The following RAB4A variants were observed in gnomAD, a reference collection of about 807,000 sequenced individuals.
RAB4A encodes the protein RAB4A, member RAS oncogene family.
Under a neutral mutation model 34.5 loss-of-function variants are expected in RAB4A, and 20 were observed. The ratio of observed to expected loss-of-function variants is 0.58; its 90% CI spans 0.41 to 0.84. RAB4A has a LOEUF of 0.84. Ranked by LOEUF, RAB4A falls within the 40% of genes least tolerant of loss-of-function variation. The pLI is 0.00. For missense variants in RAB4A, 228 were observed against 274.5 expected (o/e 0.83, Z 1.20); for synonymous variants, 102 against 100.0 (o/e 1.02, Z -0.12).
At chr1:229,302,309 A>ATTTTTTTT (rs869095524) in intron 6 of RAB4A, among the ~76,000 whole-genome samples, 4 of 35,904 alleles carry the variant, frequency 1.1e-4, no homozygotes, top group African/African-American at 3.2e-4. Context: ...ATATATATAT[A>ATTTTTTTT]TTTTTTTTTT....
At chr1:229,287,772 A>T (rs561151946) in intron 2 of RAB4A, among the ~76,000 whole-genome samples, 21 of 152,304 alleles carry the variant, frequency 1.4e-4, no homozygotes, top group African/African-American at 4.8e-4. Context: ...TAGCATAGTC[A>T]CTGTAACCAT....
intron 1 of RAB4A, among the ~76,000 whole-genome samples, chr1:229,284,844 CTGTTAGATCCA>C (rs1464766565): frequency 1.3e-5 from 2 of 151,962 alleles, no homozygotes; most frequent in Non-Finnish European, 2.9e-5. Flanking sequence ...TTCAAAATTC[CTGTTAGATCCA>C]TGTTAGATCG....
At chr1:229,282,961 G>A (rs985153809) in intron 1 of RAB4A, among the ~76,000 whole-genome samples, 1 of 151,808 alleles carries the variant, frequency 6.6e-6, no homozygotes, top group Non-Finnish European at 1.5e-5. Flanking sequence ...ACCTTTTTTC[G>A]TTCAGTTTGA....
At chr1:229,297,412 G>A (rs1657278319) in intron 4 of RAB4A, 70 bp from the exon 5 acceptor site, 1 of 1,466,856 alleles carries the variant, frequency 6.8e-7, no homozygotes, top group Non-Finnish European at 9.2e-7. Flanking sequence ...TATGAGTAGT[G>A]AGAATGACTG....
rs975369759 is a variant in RAB4A at position 229,305,856 on chromosome 1, A to G, written c.*2063A>G. The G allele has an allele frequency of 3.3e-5, 5 of 152,242 alleles. No homozygotes were observed. Among genetic ancestry groups the G allele is most frequent in the Admixed American group, 6.5e-5 (1 of 15,284 alleles). The allele number at this position is 152,242 out of a possible 1,614,324, so 9.4% of individuals were successfully genotyped here. On this transcript the variant is annotated 3_prime_UTR_variant, in exon 8 of 8. Coordinates refer to ENST00000366690, the MANE Select transcript of RAB4A (RefSeq NM_004578.4). ...CATTGATTCTTAGCAGATCAATAATAGTATTTAAAGAATCTGATGCTAAAA... is the reference window on the plus strand; with the variant it reads ...CATTGATTCTTAGCAGATCAATAATGGTATTTAAAGAATCTGATGCTAAAA...
intron 3 of RAB4A, among the ~76,000 whole-genome samples, chr1:229,292,760 A>G (rs1359555956): frequency 6.6e-6 from 1 of 152,196 alleles, no homozygotes; most frequent in Non-Finnish European, 1.5e-5. Flanking sequence ...TTGTTCTCCA[A>G]GGATAGTTCA....
rs1398020869 is a variant in RAB4A, at chr1:229,304,498, C to G, written c.*705C>G. 1 of 152,236 alleles carries G rather than the reference C, an allele frequency of 6.6e-6. No individual in the cohort carries two copies. 9.4% of individuals were successfully genotyped at this position (152,236 alleles called of 1,614,324 possible). On this transcript the variant is annotated 3_prime_UTR_variant, in exon 8 of 8. Coordinates refer to ENST00000366690, the MANE Select transcript of RAB4A (RefSeq NM_004578.4). Reference sequence around the variant, plus strand: ...TCTGGAGTACCTGCTCTGTTTTTGGCTGTGAGACTAGCACTAAGGATTCTG... The same window carrying G: ...TCTGGAGTACCTGCTCTGTTTTTGGGTGTGAGACTAGCACTAAGGATTCTG...
chr1:229,285,734 C>A (rs899311373), intron 1 of RAB4A, among the ~76,000 whole-genome samples: 1 of 152,072 alleles, frequency 6.6e-6, no homozygotes, highest in South Asian at 2.1e-4. Flanking sequence ...CTAAGCTATG[C>A]AGAATTACAG....
chr1:229,274,996 A>G (rs776258025), intron 1 of RAB4A, among the ~76,000 whole-genome samples: 3 of 152,230 alleles, frequency 2.0e-5, no homozygotes, highest in African/African-American at 4.8e-5. Flanking sequence ...AGTATTTGCC[A>G]TATAATTTTG....
chr1:229,286,078 G>C (rs1352706496), intron 1 of RAB4A, among the ~76,000 whole-genome samples: 1 of 152,182 alleles, frequency 6.6e-6, no homozygotes. Flanking sequence ...TTTTTAAGAA[G>C]AAGAAAGAGG....
intron 2 of RAB4A, among the ~76,000 whole-genome samples, chr1:229,287,463 A>G (rs1209688476): frequency 2.0e-5 from 3 of 152,182 alleles, no homozygotes; most frequent in Admixed American, 6.5e-5. Context: ...TTCACTGGAT[A>G]GTTTATTTAC....
rs990645957 is a variant in RAB4A, at chr1:229,271,184, G to A, written c.-156G>A. The A allele has an allele frequency of 1.5e-5, 10 of 684,114 alleles. No homozygotes were observed. The African/African-American group carries it at 1.7e-4, about 12-fold the overall frequency. 42.4% of individuals were successfully genotyped at this position (684,114 alleles called of 1,614,324 possible). A position where few individuals can be genotyped will look rare whatever the true frequency, so the allele number is the denominator to read the frequency against. On this transcript the variant is annotated 5_prime_UTR_variant, in exon 1 of 8. Transcript: ENST00000366690. ...CCTGCGCGGAGCTGGAGTCCGGCTG[G>A]GCCGCAGCCGCTGGGAGACCGGCGG...
intron 3 of RAB4A, among the ~76,000 whole-genome samples, chr1:229,294,883 A>G (rs1448122288): frequency 6.6e-6 from 1 of 152,082 alleles, no homozygotes; most frequent in Non-Finnish European, 1.5e-5. Flanking sequence ...AACTGAAAAG[A>G]TGGTGCAGCA....
At chr1:229,291,448 TC>T (rs1458125943) in intron 3 of RAB4A, among the ~76,000 whole-genome samples, 2 of 151,928 alleles carry the variant, frequency 1.3e-5, no homozygotes, top group African/African-American at 4.8e-5. Context: ...GCACTGCCCT[TC>T]CAGGAGGACC....
At chr1:229,286,426 T>G (rs1196623167) in intron 1 of RAB4A, 60 bp from the exon 2 acceptor site, 3 of 1,026,272 alleles carry the variant, frequency 2.9e-6, no homozygotes, top group Admixed American at 2.7e-5. Context: ...GATCGTGATC[T>G]AAGAAGAAAT....
intron 3 of RAB4A, among the ~76,000 whole-genome samples, chr1:229,293,369 C>G (rs960940918): frequency 1.3e-5 from 2 of 152,208 alleles, no homozygotes; most frequent in African/African-American, 2.4e-5. Flanking sequence ...CCAGCACTCT[C>G]CTCACTCGGT....
At chr1:229,284,675 A>G (rs1455273559) in intron 1 of RAB4A, among the ~76,000 whole-genome samples, 1 of 151,984 alleles carries the variant, frequency 6.6e-6, no homozygotes, top group Admixed American at 6.6e-5. Flanking sequence ...CTGCAGTTTC[A>G]CAATTATGTA....
chr1:229,305,122 A>G lies in RAB4A; in HGVS notation c.*1329A>G. The G allele has an allele frequency of 6.3e-7, 1 of 1,575,498 alleles. No homozygotes were observed. Among genetic ancestry groups the G allele is most frequent in the South Asian group, 1.2e-5 (1 of 82,568 alleles). On this transcript the variant is annotated 3_prime_UTR_variant, in exon 8 of 8. Transcript: ENST00000366690. ...AATCAGCAGAGCACAGAGACACATAAAAACTCTGGGAAATGACTAGGATAA... is the reference window on the plus strand; with the variant it reads ...AATCAGCAGAGCACAGAGACACATAGAAACTCTGGGAAATGACTAGGATAA...
At chr1:229,281,364 A>G (rs938694127) in intron 1 of RAB4A, among the ~76,000 whole-genome samples, 1 of 152,086 alleles carries the variant, frequency 6.6e-6, no homozygotes, top group Non-Finnish European at 1.5e-5. Flanking sequence ...GTTTACCCTT[A>G]TGTATTAATA....
Sources: allele counts gnomAD v4.1 joint callset (sites outside exome capture counted in the v4.1 genomes callset), GRCh38; gene constraint gnomAD v4.1.1; transcripts MANE v1.5; gene names NCBI Gene and HGNC (gene_info 2026-07-23, HGNC 2026-07-21).